The following PRODH2 variants were observed in gnomAD, a reference collection of about 807,000 sequenced individuals.
The protein encoded by PRODH2 is proline dehydrogenase 2, also known as hydroxyproline dehydrogenase.
In PRODH2, 49 loss-of-function variants were observed where a neutral mutation model predicts 51.9. That is an observed-to-expected ratio of 0.94 (90% CI 0.75 to 1.20). The LOEUF (loss-of-function observed/expected upper bound fraction) is 1.20. Among genes scored for constraint, PRODH2 ranks in the 50% most tolerant of loss-of-function variants. The pLI is 0.00. For synonymous variants in PRODH2, 249 were observed against 260.7 expected, an observed-to-expected ratio of 0.96 and a Z score of 0.43; for missense variants, 597 against 610.9, an observed-to-expected ratio of 0.98 and a Z score of 0.24.
intron 7 of PRODH2, among the ~76,000 whole-genome samples, chr19:35,805,031 C>T (rs1052785922): frequency 6.6e-6 from 1 of 152,060 alleles, no homozygotes; most frequent in African/African-American, 2.4e-5. Context: ...GGCAAATCCA[C>T]AGAGACAAAA....
At chr19:35,810,928 GA>G (rs1368112425) in intron 4 of PRODH2, among the ~76,000 whole-genome samples, 4 of 152,032 alleles carry the variant, frequency 2.6e-5, no homozygotes, top group East Asian at 3.8e-4. Flanking sequence ...TACCTTGAAA[GA>G]AAAAAAGTAC....
At chr19:35,810,287 TAATA>T (rs1366888150) in intron 4 of PRODH2, among the ~76,000 whole-genome samples, 4 of 144,014 alleles carry the variant, frequency 2.8e-5, no homozygotes, top group South Asian at 4.2e-4. Flanking sequence ...ATAATAATAA[TAATA>T]AATAAATAGA....
In PRODH2 at chr19:35,800,224, T is replaced by C; in HGVS notation, c.1199-2A>G. The C allele has an allele frequency of 6.4e-7, 1 of 1,552,504 alleles. No individual in the cohort carries two copies. Among genetic ancestry groups the C allele is most frequent in the Non-Finnish European group, 8.7e-7 (1 of 1,147,848 alleles). ...TATACACTACATAGCCGGCCTGCCC[T>C]GCAGGGAGAGTGGGTTTTGTTTTTT... On this transcript the variant is annotated splice_acceptor_variant, in intron 9 of 9. Coordinates refer to ENST00000653904, the MANE Select transcript of PRODH2 (RefSeq NM_021232.2). LOFTEE classifies it high-confidence loss of function.
intron 9 of PRODH2, 134 bp downstream of exon 9, chr19:35,802,057 C>T (rs536040130): frequency 1.3e-6 from 1 of 778,486 alleles, no homozygotes; most frequent in African/African-American, 1.7e-5. Context: ...CCTTGGAAGG[C>T]CCACAGACAC....
chr19:35,809,761 C>T (rs1972571552), intron 4 of PRODH2, among the ~76,000 whole-genome samples: 1 of 150,096 alleles, frequency 6.7e-6, no homozygotes, highest in Non-Finnish European at 1.5e-5. Flanking sequence ...GAGTTAAAGA[C>T]TAGCCTGGCC....
chr19:35,811,710 A>G (rs62112194), intron 4 of PRODH2, among the ~76,000 whole-genome samples: 12,708 of 152,046 alleles, frequency 0.084, 614 homozygotes, highest in South Asian at 0.17. Flanking sequence ...ACACTGATGT[A>G]CCTCCTTCTA....
intron 7 of PRODH2, 135 bp downstream of exon 7, chr19:35,806,295 G>T (rs112657967): frequency 1.8e-6 from 2 of 1,112,808 alleles, no homozygotes; most frequent in South Asian, 1.5e-5. Flanking sequence ...TGTTGCCCAG[G>T]CTGGTCTCCA....
intron 8 of PRODH2, chr19:35,802,555 GTGTT>G (rs150320258): frequency 1.8e-4 from 95 of 519,792 alleles, no homozygotes; most frequent in Middle Eastern, 1.1e-3. Context: ...AGGGGTTAAT[GTGTT>G]TGTTTGTTTG....
In PRODH2 at chr19:35,812,412, GTC is replaced by G. The variant is rs757523400; in HGVS notation, c.317_318del (p.Arg106ProfsTer8). 3.0e-5 allele frequency: 49 copies of G among 1,614,092 alleles called. No individual in the cohort carries two copies. The highest frequency in any genetic ancestry group is 4.2e-5 in the Non-Finnish European group (49 of 1,180,042). ...CVQQLRTLSL[R>X]PLLAVPTEEE... ...TCCTCAGTGGGCACTGCCAGCAGTG[GTC>G]GGAGGCTGAGGGTCCGCAGCTGCTG... On this transcript the variant is annotated frameshift_variant, in exon 2 of 10. Transcript: ENST00000653904. LOFTEE classifies it high-confidence loss of function.
At chr19:35,802,111 G>C in intron 9 of PRODH2, 80 bp downstream of exon 9, 1 of 1,334,076 alleles carries the variant, frequency 7.5e-7, no homozygotes, top group Non-Finnish European at 1.1e-6. Context: ...GCTGGGCCTT[G>C]GTTGGGAATA....
rs1007353503 is a variant in PRODH2 at position 35,800,210 on chromosome 19, T to C, written c.1211A>G (p.Tyr404Cys). Residue 404 changes from tyrosine (Y) to cysteine (C), a missense_variant, in exon 10 of 10, where the codon TAT becomes TGT. Transcript: ENST00000653904. ...HVSLALGQAG[Y>C]VVYKSIPYGS... ...ATAGGGAATGGACTTATACACTACA[T>C]AGCCGGCCTGCCCTGCAGGGAGAGT... The C allele has an allele frequency of 2.5e-6, 4 of 1,582,340 alleles. No individual in the cohort carries two copies. Among genetic ancestry groups the C allele is most frequent in the Admixed American group, 1.8e-5 (1 of 54,674 alleles).
chr19:35,808,565 G>C (rs1367284407), intron 4 of PRODH2, among the ~76,000 whole-genome samples: 1 of 151,964 alleles, frequency 6.6e-6, no homozygotes, highest in Non-Finnish European at 1.5e-5. Flanking sequence ...AGGCCCTCAG[G>C]GAGCTATTTC....
chr19:35,800,747 C>T (rs1333338366), intron 9 of PRODH2, among the ~76,000 whole-genome samples: 1 of 152,042 alleles, frequency 6.6e-6, no homozygotes, highest in Non-Finnish European at 1.5e-5. Flanking sequence ...GGCTGGAGTG[C>T]AGTGGTGTGA....
Position 35,807,072 on chromosome 19 carries a change from G to T in PRODH2, c.647C>A (p.Ala216Asp). Reference sequence around the variant, plus strand: ...CACCCGATGCAGGCGGCTGAGGGAGGCCCGGAGGTGCTGGTTCTGCTCAGC... The same window carrying T: ...CACCCGATGCAGGCGGCTGAGGGAGTCCCGGAGGTGCTGGTTCTGCTCAGC... ...LNAEQNQHLR[A>D]SLSRLHRVAQ... Residue 216 changes from alanine (A) to aspartate (D), a missense_variant, in exon 5 of 10, where the codon GCC (alanine) becomes GAC (aspartate). Ala to Asp is a moderately radical substitution (Grantham distance 126, BLOSUM62 -2). Coordinates refer to ENST00000653904, the MANE Select transcript of PRODH2 (RefSeq NM_021232.2). 1.3e-6 allele frequency: 2 copies of T among 1,552,546 alleles called. No homozygotes were observed. The highest frequency in any genetic ancestry group is 1.7e-6 in the Non-Finnish European group (2 of 1,147,758).
chr19:35,802,432 G>T, intron 8 of PRODH2, 156 bp from the exon 9 acceptor site: 1 of 699,202 alleles, frequency 1.4e-6, no homozygotes, highest in Admixed American at 2.2e-5. Context: ...TTCCTTGAAG[G>T]TCCCCCAGTG....
intron 4 of PRODH2, among the ~76,000 whole-genome samples, chr19:35,808,976 C>T (rs1181993772): frequency 2.0e-5 from 3 of 151,980 alleles, no homozygotes; most frequent in Non-Finnish European, 4.4e-5. Flanking sequence ...GATGGGGTTT[C>T]ACCATGTTGC....
chr19:35,812,083 GC>G, intron 3 of PRODH2, 35 bp from the exon 4 acceptor site: 1 of 1,613,840 alleles, frequency 6.2e-7, no homozygotes, highest in Non-Finnish European at 8.5e-7. Flanking sequence ...GGTGAGGGGA[GC>G]CCGATGGGCA....
intron 7 of PRODH2, among the ~76,000 whole-genome samples, chr19:35,804,231 A>C (rs1972475231): frequency 6.6e-6 from 1 of 152,184 alleles, no homozygotes; most frequent in Non-Finnish European, 1.5e-5. Context: ...TCTGTTGCCC[A>C]GGTTGGAGTG....
chr19:35,812,329 C>T, intron 2 of PRODH2, 31 bp downstream of exon 2: 1 of 1,610,158 alleles, frequency 6.2e-7, no homozygotes, highest in Non-Finnish European at 8.5e-7. Context: ...TGCGTCCTCC[C>T]AGCCTCCCTG....
Sources: allele counts gnomAD v4.1 joint callset (sites outside exome capture counted in the v4.1 genomes callset), GRCh38; gene constraint gnomAD v4.1.1; transcripts MANE v1.5; gene names NCBI Gene and HGNC (gene_info 2026-07-23, HGNC 2026-07-21).